CDH4: variants seen among roughly 807,000 people sequenced by gnomAD.
CDH4 encodes the protein cadherin-4.
Under a neutral mutation model 86.0 loss-of-function variants are expected in CDH4, and 33 were observed. The observed-to-expected ratio is 0.38, with a 90% confidence interval of 0.29 to 0.51. CDH4 has a LOEUF of 0.51. Among genes scored for constraint, CDH4 ranks in the 20% least tolerant of loss-of-function variants. The pLI is 0.86. For missense variants in CDH4, 1,114 were observed against 1,307.4 expected, an observed-to-expected ratio of 0.85 and a Z score of 2.28; for synonymous variants, 555 against 549.4, an observed-to-expected ratio of 1.01 and a Z score of -0.14.
chr20:61,923,839 C>T (rs1280435355), intron 10 of CDH4, 135 bp downstream of exon 10: 20 of 1,134,996 alleles, frequency 1.8e-5, no homozygotes, highest in Non-Finnish European at 2.3e-5. Flanking sequence ...CAACCTAAGG[C>T]GTCCTTCCAG....
chr20:61,793,145 A>G (rs1044114516), intron 4 of CDH4, among the ~76,000 whole-genome samples: 1 of 151,406 alleles, frequency 6.6e-6, no homozygotes, highest in Non-Finnish European at 1.5e-5. Flanking sequence ...TGTATTTTTT[A>G]GTAGAGACCG....
chr20:61,372,862 G>A (rs560096676), intron 2 of CDH4, among the ~76,000 whole-genome samples: 1 of 152,370 alleles, frequency 6.6e-6, no homozygotes, highest in South Asian at 2.1e-4. Flanking sequence ...AGGCTAAAAA[G>A]CATCCTGGAG....
intron 7 of CDH4, among the ~76,000 whole-genome samples, chr20:61,882,768 G>T (rs6089540): frequency 6.6e-6 from 1 of 152,356 alleles, no homozygotes; most frequent in African/African-American, 2.4e-5. Context: ...GTCTGCGGAA[G>T]GGCTGGATAT....
At chr20:61,325,370 T>C (rs1368891394) in intron 2 of CDH4, among the ~76,000 whole-genome samples, 1 of 152,240 alleles carries the variant, frequency 6.6e-6, no homozygotes, top group African/African-American at 2.4e-5. Context: ...GTGAAGTTGC[T>C]ATTTTAAATT....
intron 2 of CDH4, among the ~76,000 whole-genome samples, chr20:61,567,641 C>T (rs59312833): frequency 6.6e-6 from 1 of 152,158 alleles, no homozygotes; most frequent in Non-Finnish European, 1.5e-5. Flanking sequence ...CAGACCATGC[C>T]GGGTCCTCCC....
chr20:61,622,817 C>T lies in CDH4; in HGVS notation c.170-120746C>T, dbSNP rs139133035. On this transcript the variant is annotated intron_variant, in intron 2 of 15. Transcript: ENST00000614565. ...TGTGACAGCCAAGACCATCTCCAAA[C>T]GTTGCCCCATCCCCTGGGGACAGAA... Among the ~76,000 whole-genome samples the T allele has an allele frequency of 5.2e-4, 79 of 152,294 alleles. No homozygotes were observed. The East Asian group carries it at 5.2e-3, about 10-fold the overall frequency.
chr20:61,627,706 C>T (rs2086842377), intron 2 of CDH4, among the ~76,000 whole-genome samples: 1 of 152,118 alleles, frequency 6.6e-6, no homozygotes, highest in African/African-American at 2.4e-5. Flanking sequence ...CGCCCCCCGA[C>T]TCGACTTGAG....
intron 2 of CDH4, among the ~76,000 whole-genome samples, chr20:61,734,953 G>C (rs2088242918): frequency 6.6e-6 from 1 of 151,888 alleles, no homozygotes; most frequent in Admixed American, 6.5e-5. Context: ...CCCTGCGCTG[G>C]GTGGGCCTCG....
At chr20:61,818,040 C>A (rs1232905819) in intron 4 of CDH4, among the ~76,000 whole-genome samples, 4 of 150,322 alleles carry the variant, frequency 2.7e-5, no homozygotes, top group South Asian at 4.2e-4. Context: ...CTTTTCTTTT[C>A]TTTTTTTGAG....
intron 2 of CDH4, among the ~76,000 whole-genome samples, chr20:61,298,812 T>A (rs567719603): frequency 3.5e-3 from 76 of 21,444 alleles, no homozygotes; most frequent in African/African-American, 4.7e-3. Flanking sequence ...CTGGTGAGAG[T>A]CTTTTTTTTT....
intron 7 of CDH4, among the ~76,000 whole-genome samples, chr20:61,891,046 G>A (rs112299907): frequency 1.9e-3 from 295 of 152,216 alleles, no homozygotes; most frequent in African/African-American, 6.8e-3. Flanking sequence ...TTGGAAGGAA[G>A]AGTGGGGTCT....
chr20:61,723,561 T>C (rs1273526217), intron 2 of CDH4, among the ~76,000 whole-genome samples: 3 of 152,122 alleles, frequency 2.0e-5, no homozygotes, highest in Non-Finnish European at 2.9e-5. Flanking sequence ...ACTTTACAGA[T>C]ACCCCAAGCA....
chr20:61,649,408 C>G (rs1208015399), intron 2 of CDH4, among the ~76,000 whole-genome samples: 1 of 152,180 alleles, frequency 6.6e-6, no homozygotes, highest in Non-Finnish European at 1.5e-5. Context: ...GTACTTTCTC[C>G]CTCACTTCTT....
At chr20:61,606,042 C>T (rs1021495352) in intron 2 of CDH4, among the ~76,000 whole-genome samples, 1 of 152,184 alleles carries the variant, frequency 6.6e-6, no homozygotes, top group African/African-American at 2.4e-5. Context: ...ATCCCGCTGA[C>T]TCTGAGGACA....
rs1468268454 is a variant in CDH4 at position 61,754,745 on chromosome 20, GCACACCACACACACAGTGCATGCCACA to G, written c.396+10972_396+10998del. The stretch of plus-strand genomic sequence containing the variant: ...ACACTGCACGCCCCGCACACACTAT[GCACACCACACACACAGTGCATGCCACA>G]CACACCACACACACACTGCACGCCA... On this transcript the variant is annotated intron_variant, in intron 3 of 15. Transcript: ENST00000614565. The surrounding 1 kb of genome is among the most constrained non-coding windows in gnomAD (Gnocchi z 4.7). 5.1e-5 allele frequency among the ~76,000 whole-genome samples: 7 copies of G among 136,690 alleles called. No individual in the cohort carries two copies. Among genetic ancestry groups the G allele is most frequent in the Admixed American group, 1.5e-4 (2 of 13,366 alleles). The allele number at this position is 136,690 out of a possible 152,430, so 89.7% of individuals were successfully genotyped here.
At chr20:61,346,410 G>T (rs540055069) in intron 2 of CDH4, among the ~76,000 whole-genome samples, 1 of 152,296 alleles carries the variant, frequency 6.6e-6, no homozygotes, top group African/African-American at 2.4e-5. Context: ...GCTTTGGAGG[G>T]TCTGAGCAGG....
intron 2 of CDH4, among the ~76,000 whole-genome samples, chr20:61,368,431 A>T (rs2084822542): frequency 6.6e-6 from 1 of 152,244 alleles, no homozygotes; most frequent in South Asian, 2.1e-4. Context: ...TCTGTGAACC[A>T]GGAAGAAGCC....
At chr20:61,432,833 A>ATTTTTTTT (rs36067606) in intron 2 of CDH4, among the ~76,000 whole-genome samples, 2 of 101,710 alleles carry the variant, frequency 2.0e-5, no homozygotes, top group Non-Finnish European at 3.9e-5. Context: ...TAAATCCATG[A>ATTTTTTTT]TTTTTTTTTT....
Position 61,784,647 on chromosome 20 carries a change from G to A in CDH4, c.576+11465G>A, listed in dbSNP as rs569637149. 5.8e-5 allele frequency among the ~76,000 whole-genome samples: 4 copies of A among 68,752 alleles called. No homozygotes were observed. In the South Asian group the frequency reaches 2.1e-3, roughly 36 times the overall value. The allele number at this position is 68,752 out of a possible 152,430, so 45.1% of individuals were successfully genotyped here. A position where few individuals can be genotyped will look rare whatever the true frequency, so the allele number is the denominator to read the frequency against. Reference sequence around the variant, plus strand: ...CAGGAGAATGTAAGCCCAGTTCCTCGGGACAGTTCTCGAGGCCCTCAGATG... The same window carrying A: ...CAGGAGAATGTAAGCCCAGTTCCTCAGGACAGTTCTCGAGGCCCTCAGATG... On this transcript the variant is annotated intron_variant, in intron 4 of 15. Coordinates refer to ENST00000614565, the MANE Select transcript of CDH4 (RefSeq NM_001794.5).
Sources: gnomAD v4.1 joint callset for allele counts (sites outside exome capture counted in the v4.1 genomes callset) on GRCh38, gnomAD v4.1.1 for gene constraint, Gnocchi (gnomAD v3.1) non-coding constraint, MANE v1.5 for transcripts, NCBI Gene and HGNC (gene_info 2026-07-23, HGNC 2026-07-21) for gene names.